Variants in COL3A1 observed in about 807,000 individuals in gnomAD.
COL3A1 encodes the protein collagen alpha-1(III) chain.
In COL3A1, 46 loss-of-function variants were observed where a neutral mutation model predicts 200.9. That is an observed-to-expected ratio of 0.23 (90% CI 0.18 to 0.29). The LOEUF (loss-of-function observed/expected upper bound fraction) is 0.29. Among genes scored for constraint, COL3A1 ranks in the 10% least tolerant of loss-of-function variants. The probability of loss-of-function intolerance (pLI) is 1.00; values close to 1 mark genes in which losing one functional copy is unlikely to be tolerated. For synonymous variants in COL3A1, 650 were observed against 628.0 expected, an observed-to-expected ratio of 1.03 and a Z score of -0.52; for missense variants, 1,367 against 1,917.6, an observed-to-expected ratio of 0.71 and a Z score of 5.36.
intron 1 of COL3A1, among the ~76,000 whole-genome samples, chr2:188,976,966 G>A (rs562943527): frequency 5.9e-5 from 9 of 152,230 alleles, no homozygotes; most frequent in East Asian, 3.9e-4. Context: ...ATTCATATGC[G>A]TGAATTTTAA....
intron 49 of COL3A1, 139 bp from the exon 50 acceptor site, chr2:189,010,509 A>T: frequency 6.7e-7 from 1 of 1,488,710 alleles, no homozygotes; most frequent in African/African-American, 1.4e-5. Flanking sequence ...ATGCAATAAA[A>T]ATATTTTCAC....
chr2:189,006,749 C>G (rs10191859), intron 43 of COL3A1, among the ~76,000 whole-genome samples, 188 bp from the exon 44 acceptor site: 2 of 152,096 alleles, frequency 1.3e-5, no homozygotes, highest in Non-Finnish European at 2.9e-5. Flanking sequence ...ACTTTTCTGT[C>G]TAGATCCCCT....
intron 40 of COL3A1, among the ~76,000 whole-genome samples, chr2:189,004,780 ATATTCC>A (rs1688551667): frequency 6.6e-6 from 1 of 152,196 alleles, no homozygotes; most frequent in African/African-American, 2.4e-5. Flanking sequence ...CACTAGTATT[ATATTCC>A]TATAACATTC....
intron 40 of COL3A1, among the ~76,000 whole-genome samples, 178 bp from the exon 41 acceptor site, chr2:189,005,171 GA>G (rs907355798): frequency 6.6e-6 from 1 of 152,172 alleles, no homozygotes; most frequent in African/African-American, 2.4e-5. Context: ...GAGCAAGTTA[GA>G]AAATGCAAGA....
At chr2:189,002,916 G>T in intron 35 of COL3A1, 39 bp from the exon 36 acceptor site, 1 of 1,352,598 alleles carries the variant, frequency 7.4e-7, no homozygotes, top group Non-Finnish European at 1.0e-6. Flanking sequence ...GTATCATAAA[G>T]AGTGTCAGCT....
rs545079695 is a variant in COL3A1, at chr2:188,995,202, A to G, written c.1509+103A>G. On this transcript the variant is annotated intron_variant, in intron 21 of 50. Coordinates refer to ENST00000304636, the MANE Select transcript of COL3A1 (RefSeq NM_000090.4). ...GAAAACCTAAATATCTGAAGAATAT[A>G]TATTAGAGTTAAGAAAAATTCCTAA... is the stretch of plus-strand genomic sequence containing the variant. 4.8e-4 allele frequency: 556 copies of G among 1,149,700 alleles called. 3 individuals are homozygous for G. The African/African-American group carries it at 8.0e-3, about 17-fold the overall frequency. 71.2% of individuals were successfully genotyped at this position (1,149,700 alleles called of 1,614,324 possible).
chr2:188,978,213 G>A, intron 1 of COL3A1: 1 of 182,572 alleles, frequency 5.5e-6, no homozygotes, highest in South Asian at 1.1e-4. Context: ...TACAAGAAAA[G>A]AAAGCAAATC....
At chr2:189,006,584 G>A (rs941269774) in intron 43 of COL3A1, 132 bp downstream of exon 43, 21 of 903,564 alleles carry the variant, frequency 2.3e-5, no homozygotes, top group Non-Finnish European at 3.7e-5. Flanking sequence ...TTTAATGCTA[G>A]TTGTTCCTTA....
chr2:188,992,314 CT>C, intron 14 of COL3A1, 86 bp downstream of exon 14: 1 of 1,127,424 alleles, frequency 8.9e-7, no homozygotes, highest in Non-Finnish European at 1.3e-6. Context: ...TATGTATATA[CT>C]CTTAGGTATA....
chr2:188,975,163 G>A (rs1687780784), intron 1 of COL3A1, among the ~76,000 whole-genome samples: 1 of 152,152 alleles, frequency 6.6e-6, no homozygotes, highest in Admixed American at 6.6e-5. Context: ...TTTGTTTCAA[G>A]AATGATTGAT....
intron 36 of COL3A1, 55 bp downstream of exon 36, chr2:189,003,117 T>TAGATGA: frequency 7.3e-7 from 1 of 1,366,308 alleles, no homozygotes; most frequent in Non-Finnish European, 1.0e-6. Flanking sequence ...TATCTATTGA[T>TAGATGA]TATCTGTCTA....
chr2:189,007,036 T>A lies in COL3A1; in HGVS notation c.3255+46T>A. 14 of 1,514,866 alleles carry A rather than the reference T, an allele frequency of 9.2e-6. 1 individual carries two copies. Among genetic ancestry groups the A allele is most frequent in the South Asian group, 2.3e-5 (2 of 88,572 alleles). 93.8% of individuals were successfully genotyped at this position (1,514,866 alleles called of 1,614,324 possible). A position where few individuals can be genotyped will look rare whatever the true frequency, so the allele number is the denominator to read the frequency against. On this transcript the variant is annotated intron_variant, in intron 44 of 50. Coordinates refer to ENST00000304636, the MANE Select transcript of COL3A1 (RefSeq NM_000090.4). ...GTTTTATTTTGTTTTGTTCTTTTTT[T>A]AACTCATTCTACAGTGTAGGAAATA...
At chr2:189,003,860 C>A in intron 38 of COL3A1, 73 bp downstream of exon 38, 2 of 1,584,414 alleles carry the variant, frequency 1.3e-6, no homozygotes, top group African/African-American at 1.3e-5. Flanking sequence ...GGATGAGAAA[C>A]TTACACATTG....
At chr2:189,007,101 A>ATC (rs1688604982) in intron 44 of COL3A1, 111 bp downstream of exon 44, 1 of 56,238 alleles carries the variant, frequency 1.8e-5, no homozygotes, top group Non-Finnish European at 3.2e-5. Flanking sequence ...GAATGAATAT[A>ATC]TATATATATA....
Position 188,990,107 on chromosome 2 carries a change from T to C in COL3A1, c.702T>C (p.Gly234=). 1 of 1,613,692 alleles carries C rather than the reference T, an allele frequency of 6.2e-7. No homozygotes were observed. The highest frequency in any genetic ancestry group is 2.2e-5 in the East Asian group (1 of 44,866). Residue 234 remains glycine (G), a synonymous_variant, in exon 9 of 51, where the codon GGT becomes GGC. Coordinates refer to ENST00000304636, the MANE Select transcript of COL3A1 (RefSeq NM_000090.4). ...ATTTCTCTACCTAGGGAGAATCAGGTAGACCCGGACGACCTGGAGAGCGAG... is the reference window on the plus strand; with the variant it reads ...ATTTCTCTACCTAGGGAGAATCAGGCAGACCCGGACGACCTGGAGAGCGAG... ...SGPAGKDGES[G]RPGRPGERGL...
chr2:188,985,691 TGGTGACCCTGGTATTCCAGGACAACCAG>T lies in COL3A1; in HGVS notation c.364_391del (p.Asp122ProfsTer34). The T allele has an allele frequency of 6.2e-7, 1 of 1,610,604 alleles. No homozygotes were observed. The highest frequency in any genetic ancestry group is 8.5e-7 in the Non-Finnish European group (1 of 1,178,630). On this transcript the variant is annotated frameshift_variant, in exon 4 of 51. Transcript: ENST00000304636. LOFTEE classifies it high-confidence loss of function. ...GCCCTCCTGGTATTCCTGGGAGAAA[TGGTGACCCTGGTATTCCAGGACAACCAG>T]GGTCCCCTGGTTCTCCTGGCCCCCC...
intron 32 of COL3A1, 82 bp downstream of exon 32, chr2:188,999,977 A>T (rs1280306872): frequency 1.5e-6 from 2 of 1,373,668 alleles, no homozygotes; most frequent in Non-Finnish European, 1.0e-6. Context: ...AATTTTTTCC[A>T]AAAACTACTC....
intron 29 of COL3A1, 139 bp from the exon 30 acceptor site, chr2:188,999,146 A>C: frequency 2.4e-6 from 2 of 835,494 alleles, no homozygotes; most frequent in South Asian, 1.5e-5. Flanking sequence ...CCAGCTGTTC[A>C]ACTATTTTTA....
At position 189,006,918 on chromosome 2, in the gene COL3A1, T is replaced by A; in HGVS notation, c.3202-19T>A. The A allele has an allele frequency of 6.2e-7, 1 of 1,613,182 alleles. No homozygotes were observed. The highest frequency in any genetic ancestry group is 8.5e-7 in the Non-Finnish European group (1 of 1,179,500). Reference sequence around the variant, plus strand: ...ACTAGTTCCGTGTATGTCTTCTCAATTGAATGTTTTCATCTTAGGGCCCTG... The same window carrying A: ...ACTAGTTCCGTGTATGTCTTCTCAAATGAATGTTTTCATCTTAGGGCCCTG... On this transcript the variant is annotated intron_variant, in intron 43 of 50. Transcript: ENST00000304636.
Sources: allele counts gnomAD v4.1 joint callset (sites outside exome capture counted in the v4.1 genomes callset), GRCh38; gene constraint gnomAD v4.1.1; transcripts MANE v1.5; gene names NCBI Gene and HGNC (gene_info 2026-07-23, HGNC 2026-07-21).